Variants in LPP observed in about 807,000 individuals in gnomAD.
LPP encodes the protein LIM domain containing preferred translocation partner in lipoma.
LPP carries 38 observed loss-of-function variants against 60.4 expected under a neutral mutation model. That is an observed-to-expected ratio of 0.63 (90% confidence interval 0.49 to 0.83). The LOEUF is 0.83. Ranked by LOEUF, LPP falls within the 40% of genes least tolerant of loss-of-function variation. The pLI, the probability that LPP is intolerant of heterozygous loss-of-function variation, is 0.00. For synonymous variants in LPP, 328 were observed against 290.8 expected, an observed-to-expected ratio of 1.13 and a Z score of -1.30; for missense variants, 902 against 783.6, an observed-to-expected ratio of 1.15 and a Z score of -1.80.
Position 188,371,641 on chromosome 3 carries a change from A to ATTT in LPP, c.-10+29950_-10+29952dup, listed in dbSNP as rs1158606459. On this transcript the variant is annotated intron_variant, in intron 3 of 11. Coordinates refer to ENST00000617246, the MANE Select transcript of LPP (RefSeq NM_001375462.1). ...AATATATATATATATATATATATATATTTTTTTTTTTTTTTTTTTTTTTTT... is the reference window on the plus strand; with the variant it reads ...AATATATATATATATATATATATATATTTTTTTTTTTTTTTTTTTTTTTTTTTT... 7.5e-3 allele frequency among the ~76,000 whole-genome samples: 243 copies of ATTT among 32,194 alleles called. 35 individuals carry two copies. Among genetic ancestry groups the ATTT allele is most frequent in the Non-Finnish European group, 9.7e-3 (187 of 19,350 alleles). 21.1% of individuals were successfully genotyped at this position (32,194 alleles called of 152,430 possible).
intron 4 of LPP, among the ~76,000 whole-genome samples, chr3:188,428,816 T>G (rs923783644): frequency 1.3e-5 from 2 of 152,078 alleles, no homozygotes; most frequent in Admixed American, 6.6e-5. Context: ...AACATGAGAT[T>G]ATCTTTTAGT....
intron 5 of LPP, among the ~76,000 whole-genome samples, chr3:188,489,035 T>C (rs6444298): frequency 0.01 from 1,532 of 152,288 alleles, 26 homozygotes; most frequent in African/African-American, 0.036. Flanking sequence ...TTGCTTAAGG[T>C]AGTTACAAAG....
At chr3:188,859,349 AAG>A (rs1764620975) in intron 9 of LPP, among the ~76,000 whole-genome samples, 1 of 152,080 alleles carries the variant, frequency 6.6e-6, no homozygotes, top group Non-Finnish European at 1.5e-5. Flanking sequence ...ATAGATTCTT[AAG>A]AGTCATAGAC....
At chr3:188,678,993 A>G (rs908169032) in intron 7 of LPP, among the ~76,000 whole-genome samples, 1 of 152,222 alleles carries the variant, frequency 6.6e-6, no homozygotes, top group African/African-American at 2.4e-5. Flanking sequence ...ACATGGGAAG[A>G]TGCTGGCATT....
At chr3:188,253,483 A>T (rs566717060) in intron 2 of LPP, among the ~76,000 whole-genome samples, 1 of 152,204 alleles carries the variant, frequency 6.6e-6, no homozygotes, top group Non-Finnish European at 1.5e-5. Context: ...AACACCATTT[A>T]GTATGAAAAT....
chr3:188,353,545 A>T (rs1486564599), intron 3 of LPP, among the ~76,000 whole-genome samples: 12 of 152,148 alleles, frequency 7.9e-5, no homozygotes, highest in Admixed American at 7.9e-4. Context: ...GGTGATGGAG[A>T]TTTGATTTGC....
At chr3:188,472,384 T>A (rs1802066081) in intron 4 of LPP, among the ~76,000 whole-genome samples, 1 of 151,850 alleles carries the variant, frequency 6.6e-6, no homozygotes, top group Non-Finnish European at 1.5e-5. Context: ...AGTATTCCTT[T>A]GGAAAAAAAA....
intron 6 of LPP, among the ~76,000 whole-genome samples, chr3:188,571,582 GT>G (rs906785734): frequency 3.9e-5 from 6 of 151,980 alleles, no homozygotes; most frequent in African/African-American, 1.4e-4. Context: ...TTCCCTTAGA[GT>G]TTGTAAGTCT....
At chr3:188,490,053 A>G (rs940364725) in intron 5 of LPP, among the ~76,000 whole-genome samples, 7 of 152,208 alleles carry the variant, frequency 4.6e-5, no homozygotes, top group African/African-American at 1.7e-4. Flanking sequence ...AATGTTAAAC[A>G]TTTCTCTTTG....
chr3:188,335,209 T>G lies in LPP; in HGVS notation c.-66-6454T>G, dbSNP rs186819829. On this transcript the variant is annotated intron_variant, in intron 2 of 11. Coordinates refer to ENST00000617246, the MANE Select transcript of LPP (RefSeq NM_001375462.1). Reference sequence around the variant, plus strand: ...TTTATTATGCTGAGGTAAGGTATGTTTCTTTTATACCTGACTTGAGATATT... The same window carrying G: ...TTTATTATGCTGAGGTAAGGTATGTGTCTTTTATACCTGACTTGAGATATT... 2.6e-3 allele frequency among the ~76,000 whole-genome samples: 391 copies of G among 152,350 alleles called. 4 individuals are homozygous for G. Among genetic ancestry groups the G allele is most frequent in the African/African-American group, 9.0e-3 (376 of 41,586 alleles).
intron 4 of LPP, among the ~76,000 whole-genome samples, chr3:188,480,601 A>T (rs943527964): frequency 2.0e-5 from 3 of 152,344 alleles, no homozygotes; most frequent in African/African-American, 7.2e-5. Context: ...TTTCCATTTT[A>T]GATTTGATAC....
At chr3:188,596,723 A>C (rs1381140792) in intron 6 of LPP, among the ~76,000 whole-genome samples, 1 of 152,160 alleles carries the variant, frequency 6.6e-6, no homozygotes, top group Non-Finnish European at 1.5e-5. Context: ...GGTCTTAGAA[A>C]ATTTTGCTCA....
chr3:188,156,853 C>CT (rs1445642493), intron 1 of LPP, among the ~76,000 whole-genome samples: 1 of 150,980 alleles, frequency 6.6e-6, no homozygotes, highest in African/African-American at 2.4e-5. Flanking sequence ...TGCGCCCCAC[C>CT]CCCCCAAGAA....
chr3:188,169,960 G>A (rs16863065), intron 1 of LPP, among the ~76,000 whole-genome samples: 2,701 of 152,338 alleles, frequency 0.018, 40 homozygotes, highest in South Asian at 0.051. Context: ...CCTCATGGAG[G>A]AGCGCTGGGT....
At chr3:188,811,934 G>A (rs564848479) in intron 9 of LPP, among the ~76,000 whole-genome samples, 22 of 152,096 alleles carry the variant, frequency 1.4e-4, no homozygotes, top group Admixed American at 2.6e-4. Context: ...ATCACATCAC[G>A]GAGAATGGGG....
At chr3:188,440,173 C>T (rs62289608) in intron 4 of LPP, among the ~76,000 whole-genome samples, 4,063 of 152,292 alleles carry the variant, frequency 0.027, 91 homozygotes, top group Non-Finnish European at 0.037. Flanking sequence ...CCTTCCTGGT[C>T]TCCTAGCACA....
intron 8 of LPP, chr3:188,759,225 G>A (rs1160230677): frequency 6.6e-6 from 1 of 152,164 alleles, no homozygotes; most frequent in Admixed American, 6.5e-5. Context: ...AAAGCTTACT[G>A]CAAATTTTAA....
chr3:188,674,972 C>T lies in LPP; in HGVS notation c.1114-33295C>T, dbSNP rs542272884. ...ATATTACTATTGTGTTGCATAAGTC[C>T]TTGGCAATATTACTTTTTAGGTGCC... is the stretch of plus-strand genomic sequence containing the variant. On this transcript the variant is annotated intron_variant, in intron 7 of 11. Coordinates refer to ENST00000617246, the MANE Select transcript of LPP (RefSeq NM_001375462.1). Among the ~76,000 whole-genome samples, 3 of 152,314 alleles carry T rather than the reference C, an allele frequency of 2.0e-5. No homozygotes were observed. The South Asian group carries it at 6.2e-4, about 32-fold the overall frequency.
At chr3:188,179,567 C>T (rs1036463109) in intron 1 of LPP, 8 of 446,644 alleles carry the variant, frequency 1.8e-5, no homozygotes, top group East Asian at 7.0e-5. Context: ...AAAGCCCTCT[C>T]GAGAGGTCTG....
Sources: gnomAD v4.1 joint callset for allele counts (sites outside exome capture counted in the v4.1 genomes callset) on GRCh38, gnomAD v4.1.1 for gene constraint, MANE v1.5 for transcripts, NCBI Gene and HGNC (gene_info 2026-07-23, HGNC 2026-07-21) for gene names.